The following RAPGEF2 variants were observed in gnomAD, a reference collection of about 807,000 sequenced individuals.
The protein encoded by RAPGEF2 is PDZ domain containing guanine nucleotide exchange factor (GEF) 1.
RAPGEF2 carries 54 observed loss-of-function variants against 186.7 expected under a neutral mutation model. The ratio of observed to expected loss-of-function variants is 0.29; its 90% confidence interval spans 0.23 to 0.36. RAPGEF2 has a LOEUF of 0.36. Among genes scored for constraint, RAPGEF2 ranks in the 10% least tolerant of loss-of-function variants. The pLI, the probability that RAPGEF2 is intolerant of heterozygous loss-of-function variation, is 1.00. For missense variants in RAPGEF2, 1,532 were observed against 2,045.0 expected (o/e 0.75, Z 4.84); for synonymous variants, 712 against 705.9 (o/e 1.01, Z -0.14).
chr4:159,115,553 A>AT (rs11338190), intron 1 of RAPGEF2, among the ~76,000 whole-genome samples: 1 of 150,280 alleles, frequency 6.7e-6, no homozygotes, highest in African/African-American at 2.4e-5. Context: ...TAAGTTTCTG[A>AT]TTTTTTTTTT....
At position 159,170,083 on chromosome 4, in the gene RAPGEF2, T is replaced by C. The variant is rs79434329; in HGVS notation, c.70-16559T>C. Among the ~76,000 whole-genome samples, 72 of 149,164 alleles carry C rather than the reference T, an allele frequency of 4.8e-4. 1 individual carries two copies. The East Asian group carries it at 0.011, about 22-fold the overall frequency. ...CACATCCTCTTCAATGCTCATCTCT[T>C]TTTTTTTTTTTAAACAGCCATTCTT... On this transcript the variant is annotated intron_variant, in intron 1 of 29. Transcript: ENST00000691494.
At chr4:159,238,684 C>G (rs1753592148) in intron 4 of RAPGEF2, 125 bp from the exon 5 acceptor site, 1 of 534,504 alleles carries the variant, frequency 1.9e-6, no homozygotes, top group Non-Finnish European at 3.1e-6. Context: ...TTCACTTTCT[C>G]CAATGTGTAC....
At chr4:159,261,917 G>A (rs919037021) in intron 7 of RAPGEF2, among the ~76,000 whole-genome samples, 1 of 151,996 alleles carries the variant, frequency 6.6e-6, no homozygotes, top group Non-Finnish European at 1.5e-5. Context: ...TATTCATGTA[G>A]GTCTTTATAT....
chr4:159,332,860 C>G lies in RAPGEF2; in HGVS notation c.2135+163C>G, dbSNP rs1042674527. ...TAAACAATCAAATTTGTTTTAATCT[C>G]GTTTTTGCCACTTATTTGGCTACTC... is the stretch of plus-strand genomic sequence containing the variant. On this transcript the variant is annotated intron_variant, in intron 17 of 29. Coordinates refer to ENST00000691494, the MANE Select transcript of RAPGEF2 (RefSeq NM_001394067.2). The G allele has an allele frequency of 1.4e-4, 105 of 750,744 alleles. 1 individual carries two copies. The highest frequency in any genetic ancestry group is 8.5e-4 in the Admixed American group (24 of 28,094). The allele number at this position is 750,744 out of a possible 1,614,324, so 46.5% of individuals were successfully genotyped here.
At chr4:159,209,207 A>C (rs923108561) in intron 3 of RAPGEF2, among the ~76,000 whole-genome samples, 4 of 151,898 alleles carry the variant, frequency 2.6e-5, no homozygotes, top group Non-Finnish European at 5.9e-5. Context: ...AAAAAAAAAA[A>C]AAACCCTCAC....
intron 1 of RAPGEF2, among the ~76,000 whole-genome samples, chr4:159,119,188 G>A (rs1020184344): frequency 1.3e-5 from 2 of 152,132 alleles, no homozygotes; most frequent in Non-Finnish European, 2.9e-5. Context: ...GCAGGGTTGG[G>A]TTGGTGCAGA....
chr4:159,156,377 A>G (rs1304154248), intron 1 of RAPGEF2, among the ~76,000 whole-genome samples: 2 of 152,222 alleles, frequency 1.3e-5, no homozygotes, highest in East Asian at 1.9e-4. Context: ...TAAAAAAAGA[A>G]AAGAATCTCT....
chr4:159,276,153 G>T lies in RAPGEF2; in HGVS notation c.544-28189G>T, dbSNP rs75094083. ...TTTAGAATGATTCTATAGTCACTGG[G>T]CCTATAGTGGCTGGGTTGGTGGGGT... On this transcript the variant is annotated intron_variant, in intron 7 of 29. Coordinates refer to ENST00000691494, the MANE Select transcript of RAPGEF2 (RefSeq NM_001394067.2). 1.2e-4 allele frequency among the ~76,000 whole-genome samples: 19 copies of T among 152,234 alleles called. No homozygotes were observed. In the East Asian group the frequency reaches 3.1e-3, roughly 25 times the overall value.
chr4:159,305,343 T>TA (rs140756396), intron 8 of RAPGEF2, among the ~76,000 whole-genome samples: 231 of 152,302 alleles, frequency 1.5e-3, no homozygotes, highest in African/African-American at 5.2e-3. Context: ...CACCATCTGT[T>TA]ACTATTTTTG....
chr4:159,120,766 ATTAACT>A (rs1273527556), intron 1 of RAPGEF2, among the ~76,000 whole-genome samples: 1 of 152,162 alleles, frequency 6.6e-6, no homozygotes, highest in African/African-American at 2.4e-5. Flanking sequence ...TTTAAAATTG[ATTAACT>A]TGAACTATGT....
intron 3 of RAPGEF2, among the ~76,000 whole-genome samples, chr4:159,201,919 C>T (rs1169571034): frequency 2.0e-5 from 3 of 152,114 alleles, no homozygotes; most frequent in African/African-American, 7.2e-5. Flanking sequence ...CAATAGCCCT[C>T]GATGATGATT....
chr4:159,242,717 A>AT (rs1172454326), intron 6 of RAPGEF2, among the ~76,000 whole-genome samples: 1 of 89,546 alleles, frequency 1.1e-5, no homozygotes, highest in Non-Finnish European at 2.4e-5. Context: ...ACCATTGTCC[A>AT]TAAAAAAGGT....
chr4:159,240,729 G>A (rs1407833857), intron 5 of RAPGEF2, among the ~76,000 whole-genome samples: 4 of 151,292 alleles, frequency 2.6e-5, no homozygotes, highest in Admixed American at 6.6e-5. Context: ...AAACCCTTGC[G>A]TAACCTACCA....
At chr4:159,349,680 C>T (rs1730894350) in intron 25 of RAPGEF2, among the ~76,000 whole-genome samples, 1 of 152,216 alleles carries the variant, frequency 6.6e-6, no homozygotes, top group East Asian at 1.9e-4. Flanking sequence ...ACTCTTCTCC[C>T]TTTATTCTCA....
intron 1 of RAPGEF2, among the ~76,000 whole-genome samples, chr4:159,110,456 A>G (rs1738372954): frequency 6.6e-6 from 1 of 152,144 alleles, no homozygotes; most frequent in Non-Finnish European, 1.5e-5. Context: ...AGGTGCCTGT[A>G]TTCCCAGCTA....
intron 3 of RAPGEF2, among the ~76,000 whole-genome samples, chr4:159,198,937 G>T (rs553652315): frequency 6.6e-6 from 1 of 151,374 alleles, no homozygotes; most frequent in Non-Finnish European, 1.5e-5. Context: ...AAAATTAGGC[G>T]TGGTGGCATG....
chr4:159,249,615 T>G (rs902568055), intron 7 of RAPGEF2, among the ~76,000 whole-genome samples: 1 of 151,974 alleles, frequency 6.6e-6, no homozygotes, highest in African/African-American at 2.4e-5. Flanking sequence ...CTAATAATGC[T>G]ATACGTATTT....
chr4:159,125,450 C>G (rs1324864215), intron 1 of RAPGEF2, among the ~76,000 whole-genome samples: 3 of 151,826 alleles, frequency 2.0e-5, no homozygotes, highest in Non-Finnish European at 2.9e-5. Flanking sequence ...TCTTGGAAAC[C>G]ACAAAGATAA....
At chr4:159,131,097 TG>T (rs1741006747) in intron 1 of RAPGEF2, among the ~76,000 whole-genome samples, 2 of 148,216 alleles carry the variant, frequency 1.3e-5, no homozygotes, top group African/African-American at 5.0e-5. Context: ...TGTGTGTGTG[TG>T]AGAGAGAGAG....
Sources: allele counts gnomAD v4.1 joint callset (sites outside exome capture counted in the v4.1 genomes callset), GRCh38; gene constraint gnomAD v4.1.1; transcripts MANE v1.5; gene names NCBI Gene and HGNC (gene_info 2026-07-23, HGNC 2026-07-21).